Variants in FHIP2A observed in about 807,000 individuals in gnomAD.
The protein encoded by FHIP2A is FHF complex subunit HOOK interacting protein 2A, also known as family with sequence similarity 160 member B1.
Under a neutral mutation model 93.5 loss-of-function variants are expected in FHIP2A, and 46 were observed. The ratio of observed to expected loss-of-function variants is 0.49; its 90% CI spans 0.39 to 0.63. The LOEUF (loss-of-function observed/expected upper bound fraction) is 0.63, where lower values mean the gene tolerates loss of function less well. Ranked by LOEUF, FHIP2A falls within the 20% of genes least tolerant of loss-of-function variation. The pLI is 0.00. For missense variants in FHIP2A, 769 were observed against 909.7 expected, an observed-to-expected ratio of 0.85 and a Z score of 1.99; for synonymous variants, 332 against 326.5, an observed-to-expected ratio of 1.02 and a Z score of -0.18.
intron 16 of FHIP2A, among the ~76,000 whole-genome samples, chr10:114,873,264 T>C (rs1432899396): frequency 6.6e-6 from 1 of 152,212 alleles, no homozygotes; most frequent in Non-Finnish European, 1.5e-5. Flanking sequence ...TGCCCTCTAT[T>C]GGAATTAGTC....
At position 114,864,465 on chromosome 10, in the gene FHIP2A, T is replaced by G; in HGVS notation, c.*2925T>G. 1 of 985,882 alleles carries G rather than the reference T, an allele frequency of 1.0e-6. No individual in the cohort carries two copies. The highest frequency in any genetic ancestry group is 1.2e-6 in the Non-Finnish European group (1 of 829,944). The allele number at this position is 985,882 out of a possible 1,614,324, so 61.1% of individuals were successfully genotyped here. A position where few individuals can be genotyped will look rare whatever the true frequency, so the allele number is the denominator to read the frequency against. ...AAAATAGTGTTACTGTAATACTCTG[T>G]TTTGCCTCCTGCCTTGTTTACATTA... On this transcript the variant is annotated 3_prime_UTR_variant, in exon 17 of 17. Coordinates refer to ENST00000369248, the MANE Select transcript of FHIP2A (RefSeq NM_020940.4).
intron 10 of FHIP2A, 59 bp downstream of exon 10, chr10:114,846,426 A>G (rs1566372061): frequency 2.7e-6 from 4 of 1,497,766 alleles, no homozygotes; most frequent in East Asian, 2.3e-5. Flanking sequence ...GTTTTAATGT[A>G]TTATACTTCA....
At chr10:114,838,704 C>G (rs1434216012) in intron 5 of FHIP2A, among the ~76,000 whole-genome samples, 2 of 152,140 alleles carry the variant, frequency 1.3e-5, no homozygotes, top group Admixed American at 1.3e-4. Context: ...TAGCATAGAT[C>G]AGAAGCAGAC....
chr10:114,878,412 C>G (rs1279319394), intron 16 of FHIP2A, among the ~76,000 whole-genome samples: 1 of 152,168 alleles, frequency 6.6e-6, no homozygotes, highest in Non-Finnish European at 1.5e-5. Flanking sequence ...CAAAGTCACT[C>G]ATAGAAGCTG....
downstream of FHIP2A, among the ~76,000 whole-genome samples, chr10:114,868,532 C>A (rs1441805038): frequency 7.2e-5 from 11 of 151,968 alleles, no homozygotes. Context: ...TATTGAGGAA[C>A]TGACAGGGAG....
chr10:114,842,885 T>A, intron 5 of FHIP2A, 48 bp from the exon 6 acceptor site: 1 of 1,313,932 alleles, frequency 7.6e-7, no homozygotes, highest in East Asian at 2.5e-5. Context: ...TATTTTTGGC[T>A]TAAAAAGTTA....
intron 7 of FHIP2A, among the ~76,000 whole-genome samples, chr10:114,844,219 AC>A (rs760885712): frequency 2.7e-4 from 41 of 152,312 alleles, no homozygotes; most frequent in Admixed American, 4.6e-4. Context: ...ATTATTAAAA[AC>A]AAAAAACCCT....
intron 16 of FHIP2A, among the ~76,000 whole-genome samples, chr10:114,875,892 G>C (rs368681764): frequency 1.4e-5 from 1 of 71,786 alleles, no homozygotes; most frequent in African/African-American, 4.8e-5. Flanking sequence ...AAGAAAGAGA[G>C]AGAAAGAAAT....
At chr10:114,879,556 T>G (rs2083906413) in intron 16 of FHIP2A, among the ~76,000 whole-genome samples, 1 of 152,172 alleles carries the variant, frequency 6.6e-6, no homozygotes, top group Non-Finnish European at 1.5e-5. Context: ...AGTTCCCAAA[T>G]TTCTGTCTGT....
intron 16 of FHIP2A, among the ~76,000 whole-genome samples, chr10:114,878,920 C>T (rs12411629): frequency 0.091 from 13,787 of 152,096 alleles, 832 homozygotes; most frequent in East Asian, 0.21. Flanking sequence ...ATGTGGGGAT[C>T]AGGGACAATA....
At chr10:114,853,078 T>C (rs1478969749) in intron 13 of FHIP2A, among the ~76,000 whole-genome samples, 3 of 152,220 alleles carry the variant, frequency 2.0e-5, no homozygotes, top group Admixed American at 1.3e-4. Context: ...TAATCTTTTG[T>C]GGTCCTTTGT....
chr10:114,884,825 A>T (rs1212274786), intron 16 of FHIP2A, among the ~76,000 whole-genome samples: 1 of 151,870 alleles, frequency 6.6e-6, no homozygotes, highest in Non-Finnish European at 1.5e-5. Flanking sequence ...GAGGCAGGAG[A>T]ATCGCTTGAA....
intron 16 of FHIP2A, among the ~76,000 whole-genome samples, chr10:114,886,567 CAG>C (rs1425999537): frequency 1.3e-5 from 2 of 152,200 alleles, no homozygotes; most frequent in East Asian, 3.9e-4. Context: ...TTTTTTGAGA[CAG>C]AGTCTCGCTT....
intron 16 of FHIP2A, among the ~76,000 whole-genome samples, chr10:114,885,353 C>T (rs563453928): frequency 6.6e-6 from 1 of 151,228 alleles, no homozygotes; most frequent in South Asian, 2.1e-4. Context: ...AGGGATCATG[C>T]CATTGCACTC....
At chr10:114,890,681 A>T (rs1440558369) in intron 16 of FHIP2A, among the ~76,000 whole-genome samples, 2 of 148,002 alleles carry the variant, frequency 1.4e-5, no homozygotes, top group African/African-American at 2.5e-5. Flanking sequence ...ACCGTATATG[A>T]CATATAGTAT....
intron 5 of FHIP2A, among the ~76,000 whole-genome samples, chr10:114,838,394 T>C (rs1258357611): frequency 1.3e-5 from 2 of 152,230 alleles, no homozygotes; most frequent in Non-Finnish European, 2.9e-5. Flanking sequence ...CATCGTGTGT[T>C]GTTCGTGATG....
At chr10:114,852,843 A>G (rs2083744891) in intron 13 of FHIP2A, among the ~76,000 whole-genome samples, 1 of 152,168 alleles carries the variant, frequency 6.6e-6, no homozygotes, top group African/African-American at 2.4e-5. Context: ...TATGACTTTC[A>G]CTTGCTATCC....
intron 13 of FHIP2A, among the ~76,000 whole-genome samples, 199 bp from the exon 14 acceptor site, chr10:114,854,998 C>G (rs903497292): frequency 6.6e-6 from 1 of 152,138 alleles, no homozygotes; most frequent in Non-Finnish European, 1.5e-5. Context: ...ATATTGGTAG[C>G]AGCAGTTAAT....
chr10:114,864,257 T>C lies in FHIP2A; in HGVS notation c.*2717T>C. ...GGTAATGTTTTCATAAATTATTGCATTAACATACAATTGCCATTTAATTAT... is the reference window on the plus strand; with the variant it reads ...GGTAATGTTTTCATAAATTATTGCACTAACATACAATTGCCATTTAATTAT... On this transcript the variant is annotated 3_prime_UTR_variant, in exon 17 of 17. Transcript: ENST00000369248. The C allele has an allele frequency of 2.0e-6, 2 of 983,828 alleles. No homozygotes were observed. The highest frequency in any genetic ancestry group is 2.4e-6 in the Non-Finnish European group (2 of 828,084). The allele number at this position is 983,828 out of a possible 1,614,324, so 60.9% of individuals were successfully genotyped here.
Sources: gnomAD v4.1 joint callset for allele counts (sites outside exome capture counted in the v4.1 genomes callset) on GRCh38, gnomAD v4.1.1 for gene constraint, MANE v1.5 for transcripts, NCBI Gene and HGNC (gene_info 2026-07-23, HGNC 2026-07-21) for gene names.